Variants in DEGS2 observed in about 807,000 individuals in gnomAD.
The protein encoded by DEGS2 is delta 4-desaturase, sphingolipid 2, also known as sphingolipid delta(4)-desaturase/C4-monooxygenase DES2.
Under a neutral mutation model 23.8 loss-of-function variants are expected in DEGS2, and 19 were observed. The observed-to-expected ratio is 0.80, with a 90% confidence interval of 0.56 to 1.17. The LOEUF (loss-of-function observed/expected upper bound fraction) is 1.17. Ranked by LOEUF, DEGS2 falls within the 50% of genes most tolerant of loss-of-function variation. The pLI, the probability that DEGS2 is intolerant of heterozygous loss-of-function variation, is 0.00. For synonymous variants in DEGS2, 218 were observed against 213.7 expected (o/e 1.02, Z -0.18); for missense variants, 390 against 459.5 (o/e 0.85, Z 1.38).
rs192973637 is a variant in DEGS2 at position 100,144,470 on chromosome 14, C to T, written c.*2291G>A. 1.3e-3 allele frequency: 195 copies of T among 152,460 alleles called. 1 individual carries two copies. Among genetic ancestry groups the T allele is most frequent in the Non-Finnish European group, 1.8e-3 (123 of 68,124 alleles). The allele number at this position is 152,460 out of a possible 1,614,324, so 9.4% of individuals were successfully genotyped here. A position where few individuals can be genotyped will look rare whatever the true frequency, so the allele number is the denominator to read the frequency against. On this transcript the variant is annotated 3_prime_UTR_variant, in exon 3 of 3. Coordinates refer to ENST00000305631, the MANE Select transcript of DEGS2 (RefSeq NM_206918.3). ...CCTACGGGATCTCCAGGAAGATGGT[C>T]CCTCAAGTGCAACCCACACCCCCGA... is the stretch of plus-strand genomic sequence containing the variant.
the DEGS2 span, among the ~76,000 whole-genome samples, chr14:100,166,796 T>C: frequency 6.6e-6 from 1 of 152,072 alleles, no homozygotes; most frequent in African/African-American, 2.4e-5. Flanking sequence ...GTTACCCACC[T>C]CGAGATCCAA....
chr14:100,148,996 G>A lies in DEGS2; in HGVS notation c.797C>T (p.Pro266Leu). 1 of 1,612,672 alleles carries A rather than the reference G, an allele frequency of 6.2e-7. No homozygotes were observed. Among genetic ancestry groups the A allele is most frequent in the Non-Finnish European group, 8.5e-7 (1 of 1,179,868 alleles). ...VGYHVEHHDF[P>L]SIPGYNLPLV... The stretch of plus-strand genomic sequence containing the variant: ...CGGCAGGTTGTAGCCCGGGATGCTG[G>A]GGAAGTCGTGGTGCTCCACGTGGTA... Residue 266 changes from proline (P) to leucine (L), a missense_variant, in exon 2 of 3, where the codon CCC becomes CTC. Coordinates refer to ENST00000305631, the MANE Select transcript of DEGS2 (RefSeq NM_206918.3).
At chr14:100,157,032 C>G (rs755921965) in intron 1 of DEGS2, among the ~76,000 whole-genome samples, 8 of 152,226 alleles carry the variant, frequency 5.3e-5, no homozygotes, top group Admixed American at 1.3e-4. Context: ...CCTTCCTAGC[C>G]ACCACCTCCA....
At chr14:100,152,277 T>C (rs1020011041) in intron 1 of DEGS2, among the ~76,000 whole-genome samples, 10 of 148,972 alleles carry the variant, frequency 6.7e-5, no homozygotes, top group African/African-American at 2.3e-4. Context: ...GTGGGCGTCA[T>C]GGAGATGCCA....
At position 100,146,635 on chromosome 14, in the gene DEGS2, G is replaced by C; in HGVS notation, c.*126C>G. ...CTGCTGTTGCCAGGTGTGGCTGCGCGGGACACTCCTCGGGGACAAGGGCAG... is the reference window on the plus strand; with the variant it reads ...CTGCTGTTGCCAGGTGTGGCTGCGCCGGACACTCCTCGGGGACAAGGGCAG... On this transcript the variant is annotated 3_prime_UTR_variant, in exon 3 of 3. Coordinates refer to ENST00000305631, the MANE Select transcript of DEGS2 (RefSeq NM_206918.3). 1 of 1,382,862 alleles carries C rather than the reference G, an allele frequency of 7.2e-7. No homozygotes were observed. The highest frequency in any genetic ancestry group is 9.8e-7 in the Non-Finnish European group (1 of 1,022,038). The allele number at this position is 1,382,862 out of a possible 1,614,324, so 85.7% of individuals were successfully genotyped here.
upstream of DEGS2, among the ~76,000 whole-genome samples, chr14:100,162,261 G>T (rs1303010118): frequency 6.6e-6 from 1 of 151,894 alleles, no homozygotes; most frequent in Non-Finnish European, 1.5e-5. Context: ...AGGCAGAATG[G>T]CATGAACCCG....
chr14:100,147,110 T>C (rs1889462838), intron 2 of DEGS2, among the ~76,000 whole-genome samples: 1 of 152,210 alleles, frequency 6.6e-6, no homozygotes, highest in African/African-American at 2.4e-5. Context: ...CATGTCCAGC[T>C]TGGCCAAACA....
At chr14:100,163,950 C>G (rs1566745070), upstream of DEGS2, among the ~76,000 whole-genome samples, 1 of 152,112 alleles carries the variant, frequency 6.6e-6, no homozygotes, top group Non-Finnish European at 1.5e-5. Context: ...GTGGCTCATG[C>G]CCGCCCATAA....
intron 1 of DEGS2, among the ~76,000 whole-genome samples, chr14:100,151,023 G>C (rs1415865633): frequency 6.6e-6 from 1 of 150,946 alleles, no homozygotes; most frequent in Non-Finnish European, 1.5e-5. Context: ...ACTCTGGGCT[G>C]TTTCCAGTGT....
chr14:100,165,324 A>G, the DEGS2 span, among the ~76,000 whole-genome samples: 4 of 152,222 alleles, frequency 2.6e-5, no homozygotes, highest in African/African-American at 7.2e-5. Flanking sequence ...AGAAACCCCA[A>G]TAAAGGCTCT....
intron 1 of DEGS2, among the ~76,000 whole-genome samples, chr14:100,152,914 AAGGGAGGG>A (rs1200246501): frequency 1.3e-5 from 2 of 151,348 alleles, no homozygotes; most frequent in South Asian, 4.2e-4. Context: ...GGAAAGAAGG[AAGGGAGGG>A]AGGGAGGGAA....
intron 2 of DEGS2, among the ~76,000 whole-genome samples, chr14:100,147,435 TC>T (rs1446624060): frequency 6.6e-6 from 1 of 152,282 alleles, no homozygotes; most frequent in East Asian, 1.9e-4. Context: ...AGCCCTGTGA[TC>T]CGCCAACCTT....
intron 2 of DEGS2, among the ~76,000 whole-genome samples, chr14:100,148,330 A>C (rs1566740389): frequency 6.6e-6 from 1 of 151,946 alleles, no homozygotes; most frequent in East Asian, 1.9e-4. Context: ...CCCCAGTGCC[A>C]CCTCCTCCCG....
At chr14:100,157,680 C>T (rs1340230167) in intron 1 of DEGS2, among the ~76,000 whole-genome samples, 1 of 152,190 alleles carries the variant, frequency 6.6e-6, no homozygotes, top group African/African-American at 2.4e-5. Context: ...GCTCCTGAGG[C>T]CCCAGTTACC....
chr14:100,160,117 A>T (rs980645245), upstream of DEGS2: 5 of 152,394 alleles, frequency 3.3e-5, no homozygotes, highest in African/African-American at 1.2e-4. Flanking sequence ...GCCAGTAAAC[A>T]GGCGCCGAGG....
upstream of DEGS2, among the ~76,000 whole-genome samples, chr14:100,164,169 G>T (rs1889781088): frequency 6.6e-6 from 1 of 151,920 alleles, no homozygotes; most frequent in South Asian, 2.1e-4. Flanking sequence ...CTGGGCTCAA[G>T]CACTCTTCCT....
In DEGS2 at chr14:100,154,540, A is replaced by G. The variant is rs543323961; in HGVS notation, c.83-4830T>C. Reference sequence around the variant, plus strand: ...TGGGGTCTTCCCTAGGGGCCTATGGAGAAGAAGGGGCAGCAGATGCCAAGG... The same window carrying G: ...TGGGGTCTTCCCTAGGGGCCTATGGGGAAGAAGGGGCAGCAGATGCCAAGG... On this transcript the variant is annotated intron_variant, in intron 1 of 2. Coordinates refer to ENST00000305631, the MANE Select transcript of DEGS2 (RefSeq NM_206918.3). Among the ~76,000 whole-genome samples, 4 of 152,246 alleles carry G rather than the reference A, an allele frequency of 2.6e-5. No individual in the cohort carries two copies. In the East Asian group the frequency reaches 7.7e-4, roughly 29 times the overall value.
intron 2 of DEGS2, among the ~76,000 whole-genome samples, chr14:100,147,417 T>C (rs550837474): frequency 4.4e-4 from 67 of 152,296 alleles, no homozygotes; most frequent in Non-Finnish European, 8.4e-4. Flanking sequence ...GTCACACCCA[T>C]GCATCTCAGC....
At chr14:100,150,252 G>C (rs1889545039) in intron 1 of DEGS2, among the ~76,000 whole-genome samples, 1 of 152,164 alleles carries the variant, frequency 6.6e-6, no homozygotes, top group Admixed American at 6.5e-5. Context: ...TTGTGTGTCT[G>C]TATGTAGGCT....
Sources: allele counts gnomAD v4.1 joint callset (sites outside exome capture counted in the v4.1 genomes callset), GRCh38; gene constraint gnomAD v4.1.1; transcripts MANE v1.5; gene names NCBI Gene and HGNC (gene_info 2026-07-23, HGNC 2026-07-21).